Variants in DYNLL1 observed in about 807,000 individuals in gnomAD.
DYNLL1 encodes the protein dynein light chain 1, cytoplasmic.
A neutral mutation model predicts 10.1 loss-of-function variants in DYNLL1; 3 were observed. The ratio of observed to expected loss-of-function variants is 0.30; its 90% CI spans 0.14 to 0.77. The LOEUF is 0.77. Ranked by LOEUF, DYNLL1 falls within the 30% of genes least tolerant of loss-of-function variation. The pLI is 0.66. For synonymous variants in DYNLL1, 46 were observed against 41.2 expected (o/e 1.12, Z -0.45); for missense variants, 47 against 111.7 (o/e 0.42, Z 2.61).
At chr12:120,479,462 AAAAAAAAAT>A (rs1320560206) in intron 1 of DYNLL1, among the ~76,000 whole-genome samples, 21 of 133,194 alleles carry the variant, frequency 1.6e-4, no homozygotes, top group Non-Finnish European at 2.5e-4. Context: ...AAAAAAAAAA[AAAAAAAAAT>A]AATAATAATA....
At chr12:120,474,938 C>T (rs956485206) in intron 1 of DYNLL1, among the ~76,000 whole-genome samples, 1 of 152,082 alleles carries the variant, frequency 6.6e-6, no homozygotes, top group African/African-American at 2.4e-5. Flanking sequence ...AAAACATATT[C>T]TGGAAAGCTA....
At chr12:120,476,176 T>G (rs1878746971) in intron 1 of DYNLL1, among the ~76,000 whole-genome samples, 2 of 152,216 alleles carry the variant, frequency 1.3e-5, no homozygotes, top group South Asian at 4.1e-4. Context: ...AGTAGAATCC[T>G]AATTTTTTTA....
At chr12:120,492,469 A>G (rs922177489), upstream of DYNLL1, among the ~76,000 whole-genome samples, 2 of 152,208 alleles carry the variant, frequency 1.3e-5, no homozygotes, top group Non-Finnish European at 2.9e-5. This position sits in a 1 kb window ranked among gnomAD's most constrained non-coding sequence, Gnocchi z 4.1. Flanking sequence ...CGGGAGGCTG[A>G]GGCAGGAGAA....
Position 120,496,333 on chromosome 12 carries a change from G to C in DYNLL1, c.-6-83G>C, listed in dbSNP as rs957914588. On this transcript the variant is annotated intron_variant, in intron 1 of 2. Coordinates refer to ENST00000242577, the MANE Select transcript of DYNLL1 (RefSeq NM_003746.3). The stretch of plus-strand genomic sequence containing the variant: ...AGTGGGGTGGGGGGCGTCGTCCCGT[G>C]GTGGCGCCGGCCGGGGTGGGGGCAG... 8.9e-6 allele frequency: 14 copies of C among 1,573,876 alleles called. No homozygotes were observed. The African/African-American group carries it at 1.6e-4, about 18-fold the overall frequency.
chr12:120,489,931 AGAGACGGG>A (rs1879084853), intron 1 of DYNLL1, among the ~76,000 whole-genome samples: 1 of 152,170 alleles, frequency 6.6e-6, no homozygotes, highest in East Asian at 1.9e-4. Context: ...GTATTTTAGT[AGAGACGGG>A]GTTTCACCGT....
chr12:120,484,021 G>A (rs1235885864), intron 1 of DYNLL1, among the ~76,000 whole-genome samples: 3 of 152,094 alleles, frequency 2.0e-5, no homozygotes, highest in Non-Finnish European at 4.4e-5. Context: ...GAGCTGTGTG[G>A]GTGCAGTGGA....
At position 120,496,117 on chromosome 12, in the gene DYNLL1, G is replaced by A. The variant is rs1018232764; in HGVS notation, c.-106G>A. The A allele has an allele frequency of 2.8e-5, 14 of 493,424 alleles. No individual in the cohort carries two copies. Among genetic ancestry groups the A allele is most frequent in the African/African-American group, 1.8e-4 (9 of 51,402 alleles). The allele number at this position is 493,424 out of a possible 1,614,324, so 30.6% of individuals were successfully genotyped here. A position where few individuals can be genotyped will look rare whatever the true frequency, so the allele number is the denominator to read the frequency against. On this transcript the variant is annotated 5_prime_UTR_variant, in exon 1 of 3. An upstream start codon of the reference 5' UTR is lost. Transcript: ENST00000242577. ...GCGGCTGGCGTGGGGCTGCTTAGAT[G>A]CGCCACGGTTTCGGTAGCGACGGTA...
upstream of DYNLL1, chr12:120,496,047 G>A: frequency 2.8e-6 from 1 of 363,252 alleles, no homozygotes; most frequent in Non-Finnish European, 5.1e-6. Flanking sequence ...CGCGGCGAGG[G>A]GCGGGGCCGG....
intron 1 of DYNLL1, among the ~76,000 whole-genome samples, chr12:120,489,810 C>T (rs937093891): frequency 2.6e-5 from 4 of 152,160 alleles, no homozygotes; most frequent in African/African-American, 9.7e-5. Context: ...TGCAGTGGCG[C>T]GATCTCAGCT....
At chr12:120,495,273 C>G (rs1262289715), upstream of DYNLL1, 1 of 152,172 alleles carries the variant, frequency 6.6e-6, no homozygotes, top group Non-Finnish European at 1.5e-5. Flanking sequence ...CCAAGAATCT[C>G]TCCCACACAG....
At chr12:120,477,569 A>G (rs1878782825) in intron 1 of DYNLL1, among the ~76,000 whole-genome samples, 1 of 151,970 alleles carries the variant, frequency 6.6e-6, no homozygotes, top group South Asian at 2.1e-4. Context: ...TAGGAAACCT[A>G]GTAGATCCCG....
At chr12:120,477,662 C>T (rs1406141050) in intron 1 of DYNLL1, among the ~76,000 whole-genome samples, 5 of 152,018 alleles carry the variant, frequency 3.3e-5, no homozygotes, top group African/African-American at 9.7e-5. Flanking sequence ...GTAGTCCCAG[C>T]TACTCTGGAG....
At chr12:120,496,682 G>A in intron 2 of DYNLL1, 129 bp downstream of exon 2, 2 of 1,512,022 alleles carry the variant, frequency 1.3e-6, no homozygotes, top group Non-Finnish European at 1.8e-6. Flanking sequence ...GAAGCTTCCA[G>A]AAAGGACGCA....
chr12:120,493,062 C>G (rs1181846342), upstream of DYNLL1, among the ~76,000 whole-genome samples: 1 of 152,166 alleles, frequency 6.6e-6, no homozygotes, highest in Non-Finnish European at 1.5e-5. Context: ...TTTAAGAACC[C>G]TCCTCGAGGG....
intron 2 of DYNLL1, 127 bp from the exon 3 acceptor site, chr12:120,497,945 CT>C: frequency 2.2e-6 from 2 of 919,768 alleles, no homozygotes; most frequent in Non-Finnish European, 1.6e-6. Flanking sequence ...GGGGAACATT[CT>C]TTCATTCTAA....
Position 120,484,553 on chromosome 12 carries a change from A to C in DYNLL1, c.-6-11863A>C, listed in dbSNP as rs548951654. 2.1e-3 allele frequency among the ~76,000 whole-genome samples: 322 copies of C among 152,286 alleles called. 4 individuals are homozygous for C. The highest frequency in any genetic ancestry group is 7.3e-3 in the African/African-American group (303 of 41,568). ...CTTACAAAGGAACTTTCTTTTTCAG[A>C]TTCTAAATTTCTACAGTGTTTCACT... On this transcript the variant is annotated intron_variant, in intron 1 of 2. Coordinates refer to the DYNLL1 transcript ENST00000392509.
chr12:120,496,338 C>T lies in DYNLL1; in HGVS notation c.-6-78C>T, dbSNP rs992518928. On this transcript the variant is annotated intron_variant, in intron 1 of 2. Coordinates refer to ENST00000242577, the MANE Select transcript of DYNLL1 (RefSeq NM_003746.3). ...GGTGGGGGGCGTCGTCCCGTGGTGG[C>T]GCCGGCCGGGGTGGGGGCAGTTAGT... The T allele has an allele frequency of 6.3e-6, 10 of 1,578,336 alleles. No homozygotes were observed. The Admixed American group carries it at 1.4e-4, about 22-fold the overall frequency.
At chr12:120,496,100 C>T (rs949309481), upstream of DYNLL1, 3 of 444,424 alleles carry the variant, frequency 6.8e-6, no homozygotes, top group African/African-American at 2.0e-5. Flanking sequence ...CGGCGGCTGG[C>T]GTGGGGCTGC....
chr12:120,486,433 C>T (rs1393878849), intron 1 of DYNLL1, among the ~76,000 whole-genome samples: 1 of 152,096 alleles, frequency 6.6e-6, no homozygotes, highest in Non-Finnish European at 1.5e-5. Flanking sequence ...ATTCCCCTCT[C>T]TGTCCCCTGA....
Sources: gnomAD v4.1 joint callset for allele counts (sites outside exome capture counted in the v4.1 genomes callset) on GRCh38, gnomAD v4.1.1 for gene constraint, Gnocchi (gnomAD v3.1) non-coding constraint, MANE v1.5 for transcripts, NCBI Gene and HGNC (gene_info 2026-07-23, HGNC 2026-07-21) for gene names.